Variants in RMST observed in about 807,000 individuals in gnomAD.
The protein encoded by RMST is long intergenic non-protein coding RNA 54.
chr12:97,493,531 G>A (rs1182392205), intron 7 of RMST, among the ~76,000 whole-genome samples: 1 of 151,916 alleles, frequency 6.6e-6, no homozygotes, highest in Non-Finnish European at 1.5e-5. Flanking sequence ...CACCAAAAAT[G>A]GACTCCTTGA....
chr12:97,475,024 G>A (rs949223345), intron 5 of RMST, among the ~76,000 whole-genome samples: 4 of 152,052 alleles, frequency 2.6e-5, no homozygotes, highest in African/African-American at 7.2e-5. Flanking sequence ...TGTTGCTTCC[G>A]AAAACAAATA....
chr12:97,480,855 ACCT>A (rs1045636477), intron 5 of RMST, among the ~76,000 whole-genome samples: 19 of 151,940 alleles, frequency 1.3e-4, no homozygotes, highest in Non-Finnish European at 2.4e-4. Context: ...CAAGTGTGTC[ACCT>A]CCTCCAAGAA....
chr12:97,514,732 T>A (rs376373514), intron 10 of RMST, among the ~76,000 whole-genome samples: 1 of 152,106 alleles, frequency 6.6e-6, no homozygotes, highest in African/African-American at 2.4e-5. Flanking sequence ...ATTGATTACA[T>A]TTTATGGAAC....
chr12:97,476,930 A>C (rs1565917590), intron 5 of RMST, among the ~76,000 whole-genome samples: 1 of 152,218 alleles, frequency 6.6e-6, no homozygotes, highest in Non-Finnish European at 1.5e-5. Flanking sequence ...GTACTTCAGA[A>C]ATTGCAACTA....
rs533647941 is a variant in RMST at position 97,536,349 on chromosome 12, A to C, written n.1545+5490A>C. 2.6e-5 allele frequency among the ~76,000 whole-genome samples: 4 copies of C among 151,724 alleles called. No homozygotes were observed. In the South Asian group the frequency reaches 6.2e-4, roughly 24 times the overall value. On this transcript the variant is annotated intron_variant and non_coding_transcript_variant, in intron 11 of 13. Transcript: ENST00000640149. Reference sequence around the variant, plus strand: ...TCTCCTTTTCTTATGAGAATAAAAGAATTAACTTGAGTTATGCAAAAAGTA... The same window carrying C: ...TCTCCTTTTCTTATGAGAATAAAAGCATTAACTTGAGTTATGCAAAAAGTA...
At chr12:97,479,647 TG>T (rs1287307180) in intron 5 of RMST, among the ~76,000 whole-genome samples, 1 of 152,178 alleles carries the variant, frequency 6.6e-6, no homozygotes, top group Non-Finnish European at 1.5e-5. Flanking sequence ...CCATACCCTC[TG>T]GGTGGTCTTC....
chr12:97,471,366 C>T (rs1873892640), intron 5 of RMST, among the ~76,000 whole-genome samples: 1 of 152,114 alleles, frequency 6.6e-6, no homozygotes, highest in Non-Finnish European at 1.5e-5. Context: ...TGGGAGGACC[C>T]TGCTGAAGCA....
intron 8 of RMST, among the ~76,000 whole-genome samples, chr12:97,494,315 G>C (rs1877170950): frequency 6.6e-6 from 1 of 152,154 alleles, no homozygotes; most frequent in South Asian, 2.1e-4. Flanking sequence ...GTAGAAAATT[G>C]ACAAATTACC....
intron 10 of RMST, among the ~76,000 whole-genome samples, chr12:97,511,374 C>G (rs1879274317): frequency 6.6e-6 from 1 of 152,120 alleles, no homozygotes; most frequent in Admixed American, 6.5e-5. Context: ...GTCTTGAACT[C>G]CTGACCACAA....
intron 10 of RMST, among the ~76,000 whole-genome samples, chr12:97,504,567 A>T (rs1339226638): frequency 6.6e-6 from 1 of 152,144 alleles, no homozygotes; most frequent in Non-Finnish European, 1.5e-5. Flanking sequence ...TAGCTCAATG[A>T]TCTACATGTG....
chr12:97,465,544 T>C (rs1321535081), intron 4 of RMST: 1 of 152,134 alleles, frequency 6.6e-6, no homozygotes, highest in Non-Finnish European at 1.5e-5. Context: ...GATGACAAAA[T>C]AGGTATCAGG....
At chr12:97,471,784 C>A (rs181543834) in intron 5 of RMST, among the ~76,000 whole-genome samples, 1 of 152,104 alleles carries the variant, frequency 6.6e-6, no homozygotes, top group Admixed American at 6.6e-5. Context: ...GCACAACATG[C>A]AGTTGGAAAG....
chr12:97,514,635 T>C (rs975786867), intron 10 of RMST, among the ~76,000 whole-genome samples: 1 of 152,066 alleles, frequency 6.6e-6, no homozygotes. Context: ...ATTCATTGCA[T>C]TAAATGCCTG....
intron 11 of RMST, among the ~76,000 whole-genome samples, chr12:97,536,467 C>T (rs1267637076): frequency 2.0e-5 from 3 of 151,406 alleles, no homozygotes; most frequent in East Asian, 1.9e-4. Flanking sequence ...TCATTGTTGT[C>T]TCTTTTGGTT....
chr12:97,515,102 G>C (rs184849241), intron 10 of RMST, among the ~76,000 whole-genome samples: 14 of 152,222 alleles, frequency 9.2e-5, no homozygotes, highest in African/African-American at 3.4e-4. Context: ...AGTAAATCAT[G>C]ATCAATGAAA....
At chr12:97,535,021 G>GT (rs869128827) in intron 11 of RMST, among the ~76,000 whole-genome samples, 60 of 151,400 alleles carry the variant, frequency 4.0e-4, no homozygotes, top group Admixed American at 2.2e-3. Context: ...GATTTTCTAG[G>GT]TTTTTTTAAA....
In RMST at chr12:97,551,015, A is replaced by G. The variant is rs1883272079; in HGVS notation, n.1546-9522A>G. ...AACACTTAACTAATTGTGTCAAATC[A>G]ACTTTTCTGAAATTACTCAGATTGG... On this transcript the variant is annotated intron_variant and non_coding_transcript_variant, in intron 11 of 13. Transcript: ENST00000640149. Among the ~76,000 whole-genome samples the G allele has an allele frequency of 2.0e-5, 3 of 152,094 alleles. No individual in the cohort carries two copies. The South Asian group carries it at 6.2e-4, about 31-fold the overall frequency.
intron 10 of RMST, among the ~76,000 whole-genome samples, chr12:97,505,430 T>C (rs1210806916): frequency 6.6e-6 from 1 of 152,230 alleles, no homozygotes; most frequent in African/African-American, 2.4e-5. Context: ...AGCAGATGCT[T>C]GGTTCTGACA....
intron 6 of RMST, chr12:97,492,683 G>A (rs999357226): frequency 6.6e-6 from 1 of 152,246 alleles, no homozygotes; most frequent in African/African-American, 2.4e-5. Context: ...AAGTAGAAAG[G>A]CTGATGCTTC....
Sources: gnomAD v4.1 joint callset for allele counts (sites outside exome capture counted in the v4.1 genomes callset) on GRCh38, gnomAD v4.1.1 for gene constraint, MANE v1.5 for transcripts, NCBI Gene and HGNC (gene_info 2026-07-23, HGNC 2026-07-21) for gene names.